The following TBC1D5 variants were observed in gnomAD, a reference collection of about 807,000 sequenced individuals.
The protein encoded by TBC1D5 is TBC1 domain family, member 5.
TBC1D5 carries 75 observed loss-of-function variants against 100.3 expected under a neutral mutation model. The ratio of observed to expected loss-of-function variants is 0.75; its 90% CI spans 0.62 to 0.91. The LOEUF (loss-of-function observed/expected upper bound fraction) is 0.91. Among genes scored for constraint, TBC1D5 ranks in the 40% least tolerant of loss-of-function variants. The pLI is 0.00. For missense variants in TBC1D5, 910 were observed against 942.4 expected, an observed-to-expected ratio of 0.97 and a Z score of 0.45; for synonymous variants, 323 against 325.6, an observed-to-expected ratio of 0.99 and a Z score of 0.09.
chr3:17,647,944 C>T (rs2065161670), intron 1 of TBC1D5, among the ~76,000 whole-genome samples: 1 of 152,012 alleles, frequency 6.6e-6, no homozygotes, highest in Non-Finnish European at 1.5e-5. Context: ...ATTTCTATCA[C>T]ACTACCAACA....
intron 2 of TBC1D5, among the ~76,000 whole-genome samples, chr3:17,512,998 A>T (rs2095931836): frequency 2.0e-5 from 3 of 152,200 alleles, no homozygotes. Context: ...AGGCAGTTTT[A>T]AACTACACTT....
intron 13 of TBC1D5, among the ~76,000 whole-genome samples, chr3:17,364,030 C>G (rs534084946): frequency 1.1e-4 from 16 of 150,904 alleles, no homozygotes; most frequent in Non-Finnish European, 1.9e-4. Flanking sequence ...GCAGCACCAC[C>G]ACCCCCTCCC....
chr3:17,708,418 C>G (rs1352258777), intron 1 of TBC1D5, among the ~76,000 whole-genome samples: 1 of 152,206 alleles, frequency 6.6e-6, no homozygotes, highest in Non-Finnish European at 1.5e-5. Context: ...AATGCTTTAA[C>G]ACATATCCTT....
intron 15 of TBC1D5, among the ~76,000 whole-genome samples, chr3:17,260,712 C>G (rs899376612): frequency 6.6e-6 from 1 of 152,182 alleles, no homozygotes; most frequent in Non-Finnish European, 1.5e-5. Flanking sequence ...TAGACCAGCA[C>G]TGTCCAACAG....
exon 1 of TBC1D5, chr3:17,740,297 C>A (rs1218626342): frequency 6.6e-6 from 1 of 151,388 alleles, no homozygotes; most frequent in Admixed American, 6.6e-5. Flanking sequence ...CACTGCACCA[C>A]TGCACTCCAG....
intron 1 of TBC1D5, among the ~76,000 whole-genome samples, chr3:17,703,778 CTA>C (rs2073544166): frequency 6.6e-6 from 1 of 152,070 alleles, no homozygotes; most frequent in Non-Finnish European, 1.5e-5. Context: ...CCCAAAATTG[CTA>C]TAGTGTCAAT....
At chr3:17,610,126 C>T (rs1336839833) in intron 2 of TBC1D5, among the ~76,000 whole-genome samples, 2 of 152,166 alleles carry the variant, frequency 1.3e-5, no homozygotes, top group Non-Finnish European at 2.9e-5. Flanking sequence ...CATTGAATAT[C>T]TCTTGACTAA....
At chr3:17,158,790 T>TGACTC (rs1477602198) in exon 22 of TBC1D5, 1 of 152,260 alleles carries the variant, frequency 6.6e-6, no homozygotes, top group Non-Finnish European at 1.5e-5. Context: ...TCAGCTATCA[T>TGACTC]GACTCTAGCT....
intron 18 of TBC1D5, among the ~76,000 whole-genome samples, chr3:17,202,502 T>C (rs1302492192): frequency 6.6e-6 from 1 of 151,808 alleles, no homozygotes; most frequent in Non-Finnish European, 1.5e-5. Context: ...TAAAGAGGGG[T>C]GAATGTTAAT....
At chr3:17,695,236 A>C (rs372672480) in intron 1 of TBC1D5, among the ~76,000 whole-genome samples, 1 of 152,332 alleles carries the variant, frequency 6.6e-6, no homozygotes, top group African/African-American at 2.4e-5. Flanking sequence ...GATCAAATTC[A>C]CACATAACAA....
At chr3:17,263,241 T>C (rs1014032566) in intron 15 of TBC1D5, among the ~76,000 whole-genome samples, 5 of 151,606 alleles carry the variant, frequency 3.3e-5, no homozygotes, top group Non-Finnish European at 7.4e-5. Flanking sequence ...CACATGCCTG[T>C]AGTCCCAGCT....
At chr3:17,576,207 T>C (rs2096656034) in intron 2 of TBC1D5, among the ~76,000 whole-genome samples, 1 of 152,022 alleles carries the variant, frequency 6.6e-6, no homozygotes, top group Admixed American at 6.6e-5. Flanking sequence ...TTTAAATTGA[T>C]CTCTACAAGA....
intron 1 of TBC1D5, among the ~76,000 whole-genome samples, chr3:17,679,855 C>T (rs2069199015): frequency 6.6e-6 from 1 of 151,454 alleles, no homozygotes; most frequent in Admixed American, 6.6e-5. Flanking sequence ...TTGGGACAAT[C>T]TGTAGTCTGA....
chr3:17,563,914 C>T (rs2096576130), intron 2 of TBC1D5, among the ~76,000 whole-genome samples: 1 of 152,168 alleles, frequency 6.6e-6, no homozygotes, highest in African/African-American at 2.4e-5. Context: ...TCCCGAGTAG[C>T]TGGGACTACA....
intron 13 of TBC1D5, among the ~76,000 whole-genome samples, chr3:17,337,145 T>TA (rs1308781437): frequency 2.2e-5 from 3 of 136,296 alleles, no homozygotes; most frequent in Non-Finnish European, 4.7e-5. Context: ...TTTTTTTTTT[T>TA]AAGATAACTG....
At chr3:17,532,679 CT>C (rs1173536171) in intron 2 of TBC1D5, among the ~76,000 whole-genome samples, 1 of 152,162 alleles carries the variant, frequency 6.6e-6, no homozygotes, top group Admixed American at 6.5e-5. Context: ...AGTTCATTTC[CT>C]TTGTAGGGAC....
chr3:17,557,281 G>GA (rs1560155570), intron 2 of TBC1D5, among the ~76,000 whole-genome samples: 1 of 151,786 alleles, frequency 6.6e-6, no homozygotes, highest in East Asian at 1.9e-4. Context: ...TCCTATGGGA[G>GA]AAAAAAAACC....
At chr3:17,432,493 C>G (rs1236058313) in intron 3 of TBC1D5, among the ~76,000 whole-genome samples, 1 of 152,162 alleles carries the variant, frequency 6.6e-6, no homozygotes, top group Non-Finnish European at 1.5e-5. Flanking sequence ...AAGCTAATTA[C>G]TTATGCTAAA....
chr3:17,483,122 CT>C (rs150404853), intron 3 of TBC1D5, among the ~76,000 whole-genome samples: 2,508 of 152,198 alleles, frequency 0.016, 51 homozygotes, highest in South Asian at 0.047. Context: ...CCATCGCTTG[CT>C]CTCACACCCG....
Sources: gnomAD v4.1 joint callset for allele counts (sites outside exome capture counted in the v4.1 genomes callset) on GRCh38, gnomAD v4.1.1 for gene constraint, MANE v1.5 for transcripts, NCBI Gene and HGNC (gene_info 2026-07-23, HGNC 2026-07-21) for gene names.